Variants in CP observed in about 807,000 individuals in gnomAD.
The protein encoded by CP is caeruloplasmin.
A neutral mutation model predicts 122.4 loss-of-function variants in CP; 64 were observed. That is an observed-to-expected ratio of 0.52 (90% CI 0.43 to 0.64). The LOEUF (loss-of-function observed/expected upper bound fraction) is 0.64, where lower values mean the gene tolerates loss of function less well. CP is among the 30% of genes least tolerant of loss of function. The pLI is 0.00. For missense variants in CP, 1,167 were observed against 1,284.4 expected (o/e 0.91, Z 1.40); for synonymous variants, 440 against 436.4 (o/e 1.01, Z -0.10).
At chr3:149,201,147 G>A (rs1476296803) in intron 7 of CP, among the ~76,000 whole-genome samples, 10 of 151,714 alleles carry the variant, frequency 6.6e-5, no homozygotes, top group African/African-American at 1.2e-4. Flanking sequence ...ATTTTGAGAC[G>A]GAGTCTCGCT....
chr3:149,177,243 A>G lies in CP; in HGVS notation c.3018+597T>C, dbSNP rs143125623. 6.2e-4 allele frequency among the ~76,000 whole-genome samples: 94 copies of G among 152,286 alleles called. No individual in the cohort carries two copies. In the East Asian group the frequency reaches 0.012, roughly 20 times the overall value. ...CTTGTTGTGGTCTCTACTCTCATCC[A>G]TCATTATGTGAACATTCCTACCCTC... is the stretch of plus-strand genomic sequence containing the variant. On this transcript the variant is annotated intron_variant, in intron 17 of 18. Transcript: ENST00000264613.
At chr3:149,172,486 A>T (rs1018182911), downstream of CP, 1 of 327,688 alleles carries the variant, frequency 3.1e-6, no homozygotes, top group African/African-American at 2.1e-5. Flanking sequence ...GAATTCCTCA[A>T]AGAAGCCATA....
chr3:149,206,544 C>T (rs1727740441), intron 5 of CP, among the ~76,000 whole-genome samples: 1 of 152,130 alleles, frequency 6.6e-6, no homozygotes, highest in Admixed American at 6.5e-5. Context: ...TTTTTATGTA[C>T]ATACAGCATA....
chr3:149,205,196 A>G (rs944026349), intron 6 of CP, among the ~76,000 whole-genome samples: 1 of 151,250 alleles, frequency 6.6e-6, no homozygotes. Context: ...ATTAAAAAAA[A>G]AAACAAAACA....
At chr3:149,172,399 G>T (rs550087221), downstream of CP, 1 of 557,238 alleles carries the variant, frequency 1.8e-6, no homozygotes. Flanking sequence ...TTACCGTGTA[G>T]TGGTAACTAT....
In CP at chr3:149,188,125, A is replaced by G. The variant is rs1384865293; in HGVS notation, c.1791T>C (p.Ile597=). 2.5e-6 allele frequency: 4 copies of G among 1,612,878 alleles called. No individual in the cohort carries two copies. In the East Asian group the frequency reaches 8.9e-5, roughly 36 times the overall value. ...ENESLLLEDN[I]RMFTTAPDQV... is the part of the protein sequence containing the mutation. The stretch of plus-strand genomic sequence containing the variant: ...GATCAGGTGCAGTTGTAAACATTCT[A>G]ATATTATCTTCCAGGAGTAAACTCT... The change falls in exon 10 of 19, where the codon ATT becomes ATC. Residue 597 remains isoleucine, a synonymous_variant. Transcript: ENST00000264613.
rs1448273948 is a variant in CP at position 149,188,211 on chromosome 3, C to G, written c.1714-9G>C. ...TCCTTGTCTACATCTTTCTGTAAATCAAAACAAAATGAGATGGAGACAGAA... is the reference window on the plus strand; with the variant it reads ...TCCTTGTCTACATCTTTCTGTAAATGAAAACAAAATGAGATGGAGACAGAA... On this transcript the variant is annotated splice_polypyrimidine_tract_variant and intron_variant, in intron 9 of 18. Coordinates refer to ENST00000264613, the MANE Select transcript of CP (RefSeq NM_000096.4). 6.2e-7 allele frequency: 1 copy of G among 1,607,876 alleles called. No individual in the cohort carries two copies. Among genetic ancestry groups the G allele is most frequent in the Admixed American group, 1.7e-5 (1 of 59,884 alleles).
At chr3:149,168,083 G>C (rs955909584), downstream of CP, 7 of 758,542 alleles carry the variant, frequency 9.2e-6, no homozygotes, top group Non-Finnish European at 1.6e-5. Flanking sequence ...AAGTGAAACC[G>C]AGGGCCTTTC....
chr3:149,208,668 T>C (rs1031563764), intron 4 of CP, among the ~76,000 whole-genome samples: 2 of 152,182 alleles, frequency 1.3e-5, no homozygotes, highest in African/African-American at 4.8e-5. Flanking sequence ...AAGCTCATTA[T>C]TTTGTGTCTG....
chr3:149,205,001 T>TCAA (rs146212020), intron 6 of CP, among the ~76,000 whole-genome samples: 7,609 of 151,614 alleles, frequency 0.05, 213 homozygotes, highest in African/African-American at 0.078. Context: ...CTCCTACAGG[T>TCAA]CAACAACAAC....
At chr3:149,172,135 T>C, downstream of CP, 1 of 1,612,790 alleles carries the variant, frequency 6.2e-7, no homozygotes, top group East Asian at 2.2e-5. Context: ...AACTGAAGGA[T>C]TTCATGAATG....
chr3:149,220,286 A>G lies in CP; in HGVS notation c.146+1361T>C, dbSNP rs188628346. On this transcript the variant is annotated intron_variant, in intron 1 of 18. Transcript: ENST00000264613. ...TTGATTTTTGATCACGAACAATGGC[A>G]GAGTGGTGGTGAGTGGGGGCATAGA... Among the ~76,000 whole-genome samples the G allele has an allele frequency of 2.1e-3, 319 of 152,314 alleles. 3 individuals are homozygous for G. Among genetic ancestry groups the G allele is most frequent in the African/African-American group, 7.2e-3 (299 of 41,562 alleles).
At chr3:149,203,994 G>T (rs1203823052) in intron 6 of CP, among the ~76,000 whole-genome samples, 2 of 152,212 alleles carry the variant, frequency 1.3e-5, no homozygotes, top group Non-Finnish European at 2.9e-5. Context: ...TGAAGTGTGT[G>T]TGTAGCGCAG....
In CP at chr3:149,188,196, C is replaced by A; in HGVS notation, c.1720G>T (p.Val574Leu). The A allele has an allele frequency of 6.2e-7, 1 of 1,610,882 alleles. No individual in the cohort carries two copies. The highest frequency in any genetic ancestry group is 8.5e-7 in the Non-Finnish European group (1 of 1,179,016). ...GGAAACAAATAGAATTCCTTGTCTA[C>A]ATCTTTCTGTAAATCAAAACAAAAT... ...SLHANGRQKDVDKEFYLFPTV... is the reference protein window; with the variant it reads ...SLHANGRQKDLDKEFYLFPTV... The change falls in exon 10 of 19, where the codon GTA becomes TTA. Residue 574 changes from valine (V) to leucine (L), a missense_variant. Coordinates refer to ENST00000264613, the MANE Select transcript of CP (RefSeq NM_000096.4).
chr3:149,214,112 T>C (rs755333233), intron 1 of CP, among the ~76,000 whole-genome samples: 1 of 152,118 alleles, frequency 6.6e-6, no homozygotes, highest in African/African-American at 2.4e-5. Flanking sequence ...GAAGAGGCTC[T>C]AAGGTTGAAG....
chr3:149,190,354 A>G (rs1356798329), intron 9 of CP, among the ~76,000 whole-genome samples: 1 of 152,136 alleles, frequency 6.6e-6, no homozygotes, highest in African/African-American at 2.4e-5. Context: ...ATGAAATAAA[A>G]TAGTGATTAA....
intron 2 of CP, among the ~76,000 whole-genome samples, chr3:149,211,978 A>T (rs1244970896): frequency 6.6e-6 from 1 of 152,214 alleles, no homozygotes; most frequent in East Asian, 1.9e-4. Context: ...TGCCATTATT[A>T]TATGGAAACA....
At chr3:149,166,138 G>T in intron 4 of CP, 1 of 392,936 alleles carries the variant, frequency 2.5e-6, no homozygotes, top group Non-Finnish European at 5.0e-6. Flanking sequence ...AGATTATTTT[G>T]GTGGTAGAAT....
At chr3:149,202,293 A>T (rs1474969084) in intron 6 of CP, 52 bp from the exon 7 acceptor site, 3 of 1,612,928 alleles carry the variant, frequency 1.9e-6, no homozygotes, top group African/African-American at 1.3e-5. Context: ...AACAGAAAGC[A>T]GGTATTCACT....
Sources: allele counts gnomAD v4.1 joint callset (sites outside exome capture counted in the v4.1 genomes callset), GRCh38; gene constraint gnomAD v4.1.1; transcripts MANE v1.5; gene names NCBI Gene and HGNC (gene_info 2026-07-23, HGNC 2026-07-21).